The following FBXL17 variants were observed in gnomAD, a reference collection of about 807,000 sequenced individuals.
The protein encoded by FBXL17 is F-box and leucine rich repeat protein 17.
Under a neutral mutation model 66.2 loss-of-function variants are expected in FBXL17, and 22 were observed. The ratio of observed to expected loss-of-function variants is 0.33; its 90% CI spans 0.24 to 0.47. The LOEUF is 0.47. FBXL17 is among the 20% of genes least tolerant of loss of function. FBXL17 has a pLI of 1.00. For synonymous variants in FBXL17, 474 were observed against 400.5 expected (o/e 1.18, Z -2.19); for missense variants, 878 against 948.2 (o/e 0.93, Z 0.97).
intron 5 of FBXL17, among the ~76,000 whole-genome samples, chr5:108,211,487 T>G (rs1754369048): frequency 2.0e-5 from 3 of 152,362 alleles, no homozygotes; most frequent in Admixed American, 2.0e-4. Flanking sequence ...CCATGTTTAG[T>G]GCTTCTTTCA....
intron 7 of FBXL17, among the ~76,000 whole-genome samples, chr5:107,992,951 A>C (rs1413157876): frequency 6.6e-6 from 1 of 151,542 alleles, no homozygotes; most frequent in African/African-American, 2.4e-5. Flanking sequence ...GTTGGAGTGC[A>C]GTGGCGCGAT....
chr5:108,223,003 T>C (rs1487802015), intron 5 of FBXL17, among the ~76,000 whole-genome samples: 1 of 152,084 alleles, frequency 6.6e-6, no homozygotes, highest in East Asian at 1.9e-4. Context: ...ATAGCTAAAA[T>C]TTACTTAGCA....
intron 7 of FBXL17, among the ~76,000 whole-genome samples, chr5:108,010,512 GAATAT>G (rs1423227960): frequency 6.6e-6 from 1 of 152,130 alleles, no homozygotes; most frequent in Non-Finnish European, 1.5e-5. Context: ...CTGTGATGAC[GAATAT>G]AATAGGTTTT....
At chr5:108,291,405 A>G (rs142550912) in intron 4 of FBXL17, among the ~76,000 whole-genome samples, 142 of 152,304 alleles carry the variant, frequency 9.3e-4, no homozygotes, top group African/African-American at 3.2e-3. Flanking sequence ...CACTGATCCT[A>G]CAAGACAGCT....
chr5:108,336,371 T>C (rs1486294885), intron 4 of FBXL17, among the ~76,000 whole-genome samples: 3 of 152,096 alleles, frequency 2.0e-5, no homozygotes, highest in African/African-American at 7.2e-5. Context: ...AACAATAAAG[T>C]CAAGCTCTTC....
intron 4 of FBXL17, among the ~76,000 whole-genome samples, chr5:108,345,165 T>C (rs1205785439): frequency 1.3e-5 from 2 of 150,898 alleles, no homozygotes; most frequent in African/African-American, 5.0e-5. Context: ...AAACGCCATC[T>C]CTACTAAAAA....
At chr5:107,898,506 T>A (rs1034207093) in intron 7 of FBXL17, among the ~76,000 whole-genome samples, 1 of 152,190 alleles carries the variant, frequency 6.6e-6, no homozygotes, top group African/African-American at 2.4e-5. Context: ...ATTAACATTT[T>A]TTATTATTAT....
intron 5 of FBXL17, among the ~76,000 whole-genome samples, chr5:108,192,031 T>C (rs756647664): frequency 2.0e-5 from 3 of 152,188 alleles, no homozygotes; most frequent in Non-Finnish European, 4.4e-5. Flanking sequence ...ACCAGCATCA[T>C]TACAAGACAC....
At chr5:108,156,137 T>C (rs1751988319) in intron 6 of FBXL17, among the ~76,000 whole-genome samples, 1 of 152,136 alleles carries the variant, frequency 6.6e-6, no homozygotes, top group South Asian at 2.1e-4. Flanking sequence ...ATTATTCTTA[T>C]TTTTAATTTT....
At chr5:108,100,167 G>C (rs1291573132) in intron 6 of FBXL17, among the ~76,000 whole-genome samples, 1 of 152,006 alleles carries the variant, frequency 6.6e-6, no homozygotes, top group Non-Finnish European at 1.5e-5. Flanking sequence ...ATTTACAATT[G>C]TATTATTTGC....
chr5:108,018,184 T>C (rs76263178), intron 7 of FBXL17, among the ~76,000 whole-genome samples: 1 of 152,178 alleles, frequency 6.6e-6, no homozygotes, highest in Non-Finnish European at 1.5e-5. Flanking sequence ...GGGTAGTCTC[T>C]TAAAGGATGA....
intron 7 of FBXL17, among the ~76,000 whole-genome samples, chr5:107,958,979 C>T (rs2116823): frequency 0.88 from 134,009 of 152,216 alleles, 59,459 homozygotes; most frequent in African/African-American, 0.96. Flanking sequence ...TCTGTGGAAA[C>T]TAGTGAAGAA....
At chr5:108,142,506 G>A (rs903013575) in intron 6 of FBXL17, among the ~76,000 whole-genome samples, 1 of 152,098 alleles carries the variant, frequency 6.6e-6, no homozygotes, top group African/African-American at 2.4e-5. Flanking sequence ...CAGTGCTCTG[G>A]CATTCACAAG....
chr5:107,935,729 G>A (rs1750887487), intron 7 of FBXL17, among the ~76,000 whole-genome samples: 1 of 152,068 alleles, frequency 6.6e-6, no homozygotes, highest in Non-Finnish European at 1.5e-5. Flanking sequence ...AAACAGAAGT[G>A]TTAGGTAACA....
At chr5:107,871,615 C>A (rs1362595404) in intron 8 of FBXL17, among the ~76,000 whole-genome samples, 1 of 152,152 alleles carries the variant, frequency 6.6e-6, no homozygotes, top group Non-Finnish European at 1.5e-5. Flanking sequence ...CTTGGCCATG[C>A]TCAAATCTAT....
At chr5:108,206,566 T>G (rs756318547) in intron 5 of FBXL17, among the ~76,000 whole-genome samples, 38 of 152,184 alleles carry the variant, frequency 2.5e-4, no homozygotes, top group Non-Finnish European at 4.7e-4. Context: ...CCCTTACTGG[T>G]GGGCTCTTTG....
chr5:108,286,131 G>T (rs192048126), intron 4 of FBXL17, among the ~76,000 whole-genome samples: 5 of 152,010 alleles, frequency 3.3e-5, no homozygotes, highest in Admixed American at 6.6e-5. Flanking sequence ...AGACATTGAA[G>T]AAACATACTT....
chr5:108,032,237 AT>A (rs1323407342), intron 6 of FBXL17, among the ~76,000 whole-genome samples: 6 of 151,464 alleles, frequency 4.0e-5, no homozygotes, highest in East Asian at 1.9e-4. Flanking sequence ...AATCAAGTCC[AT>A]TTTTTTTTAT....
At chr5:108,319,460 T>G (rs1258233565) in intron 4 of FBXL17, among the ~76,000 whole-genome samples, 2 of 151,794 alleles carry the variant, frequency 1.3e-5, no homozygotes, top group Non-Finnish European at 2.9e-5. Flanking sequence ...TGCAAATGCA[T>G]TAACAAAAAA....
Sources: allele counts gnomAD v4.1 joint callset (sites outside exome capture counted in the v4.1 genomes callset), GRCh38; gene constraint gnomAD v4.1.1; transcripts MANE v1.5; gene names NCBI Gene and HGNC (gene_info 2026-07-23, HGNC 2026-07-21).